Variants in TJP2 observed in about 807,000 individuals in gnomAD.
The protein encoded by TJP2 is tight junction protein 2.
In TJP2, 91 loss-of-function variants were observed where a neutral mutation model predicts 133.1. The ratio of observed to expected loss-of-function variants is 0.68; its 90% CI spans 0.58 to 0.81. TJP2 has a LOEUF of 0.81. Among genes scored for constraint, TJP2 ranks in the 40% least tolerant of loss-of-function variants. TJP2 has a pLI of 0.00. For synonymous variants in TJP2, 592 were observed against 583.4 expected (o/e 1.01, Z -0.21); for missense variants, 1,541 against 1,565.6 (o/e 0.98, Z 0.26).
chr9:69,196,128 G>T (rs902100544), intron 1 of TJP2, among the ~76,000 whole-genome samples: 95 of 152,210 alleles, frequency 6.2e-4, no homozygotes, highest in African/African-American at 2.1e-3. Flanking sequence ...GAGCCCAGCT[G>T]GGATTTCTTT....
At chr9:69,254,152 G>A (rs1831537941) in intron 22 of TJP2, 57 bp from the exon 23 acceptor site, 1 of 1,601,506 alleles carries the variant, frequency 6.2e-7, no homozygotes, top group South Asian at 1.1e-5. Context: ...TGCCTCCCCG[G>A]GCAGCCGGAG....
At chr9:69,235,747 T>C (rs933561984) in intron 12 of TJP2, among the ~76,000 whole-genome samples, 1 of 152,196 alleles carries the variant, frequency 6.6e-6, no homozygotes, top group Non-Finnish European at 1.5e-5. Flanking sequence ...TATACGTGAC[T>C]GTCATTCAAA....
At chr9:69,247,860 C>A in intron 18 of TJP2, 152 bp from the exon 19 acceptor site, 1 of 737,972 alleles carries the variant, frequency 1.4e-6, no homozygotes, top group Non-Finnish European at 2.1e-6. Context: ...GTACCAAAGC[C>A]AAGTGATCTC....
upstream of TJP2, among the ~76,000 whole-genome samples, chr9:69,173,300 T>C (rs530728563): frequency 6.6e-6 from 1 of 152,316 alleles, no homozygotes; most frequent in Non-Finnish European, 1.5e-5. Context: ...AAGGTTATAT[T>C]TTTAATCGGT....
chr9:69,205,321 C>A, intron 1 of TJP2: 2 of 1,528,356 alleles, frequency 1.3e-6, no homozygotes, highest in South Asian at 2.4e-5. Flanking sequence ...CACAGTGAGT[C>A]CTTTATCCTC....
chr9:69,228,349 A>T (rs1829506369), intron 9 of TJP2, among the ~76,000 whole-genome samples: 1 of 152,200 alleles, frequency 6.6e-6, no homozygotes, highest in African/African-American at 2.4e-5. Flanking sequence ...GAAACTGGGG[A>T]CAACTAGAGG....
intron 1 of TJP2, among the ~76,000 whole-genome samples, chr9:69,146,241 G>A (rs1012056602): frequency 6.6e-6 from 1 of 152,166 alleles, no homozygotes; most frequent in Non-Finnish European, 1.5e-5. Flanking sequence ...TACTTTGCTT[G>A]AAACAGCAGT....
chr9:69,209,426 G>A (rs570842397), intron 1 of TJP2, among the ~76,000 whole-genome samples: 110 of 151,742 alleles, frequency 7.2e-4, no homozygotes, highest in Non-Finnish European at 1.3e-3. Flanking sequence ...GAACCATCAC[G>A]CCCGACCCGG....
chr9:69,151,484 A>G (rs1046499442), intron 1 of TJP2, among the ~76,000 whole-genome samples: 2 of 151,856 alleles, frequency 1.3e-5, no homozygotes, highest in African/African-American at 4.8e-5. Context: ...CCGTCTCAAA[A>G]AAAAAAAAAA....
At chr9:69,231,559 C>G (rs1471554757) in intron 11 of TJP2, among the ~76,000 whole-genome samples, 1 of 151,984 alleles carries the variant, frequency 6.6e-6, no homozygotes, top group African/African-American at 2.4e-5. Flanking sequence ...GAAAAAAGTT[C>G]TAGAATTCTC....
chr9:69,123,152 TG>T (rs1587862022), intron 1 of TJP2, among the ~76,000 whole-genome samples: 1 of 152,126 alleles, frequency 6.6e-6, no homozygotes, highest in East Asian at 1.9e-4. Flanking sequence ...TGTCAAGGAG[TG>T]CTTTACATTT....
chr9:69,131,901 G>A (rs1241252147), intron 1 of TJP2, among the ~76,000 whole-genome samples: 1 of 152,166 alleles, frequency 6.6e-6, no homozygotes, highest in African/African-American at 2.4e-5. Flanking sequence ...GATTCACTAG[G>A]AGGACTCACA....
At chr9:69,143,517 A>C (rs1823092550) in intron 1 of TJP2, among the ~76,000 whole-genome samples, 1 of 152,232 alleles carries the variant, frequency 6.6e-6, no homozygotes, top group Non-Finnish European at 1.5e-5. Context: ...AGCTGTAGCC[A>C]ACCAAGTTCA....
At chr9:69,220,396 T>C (rs1216572289) in intron 4 of TJP2, among the ~76,000 whole-genome samples, 1 of 152,220 alleles carries the variant, frequency 6.6e-6, no homozygotes, top group African/African-American at 2.4e-5. Context: ...ACGTTCAGAT[T>C]ATTTTCTTCC....
intron 18 of TJP2, 105 bp downstream of exon 18, chr9:69,246,895 C>T: frequency 1.0e-6 from 1 of 984,658 alleles, no homozygotes; most frequent in South Asian, 1.3e-5. Flanking sequence ...AAGTGATGCT[C>T]ACATGTGTGC....
At chr9:69,231,301 T>C (rs147430011) in intron 11 of TJP2, among the ~76,000 whole-genome samples, 182 of 152,250 alleles carry the variant, frequency 1.2e-3, no homozygotes, top group African/African-American at 4.2e-3. Context: ...TTTCATCATG[T>C]TGCCCAGGCT....
Position 69,247,741 on chromosome 9 carries a change from A to T in TJP2, c.2668-271A>T, listed in dbSNP as rs34992883. ...TGGATTCAGAAGAAAAGCAAGACAGACTGAGAAAGTGTGGCTTAGCCGCGG... is the reference window on the plus strand; with the variant it reads ...TGGATTCAGAAGAAAAGCAAGACAGTCTGAGAAAGTGTGGCTTAGCCGCGG... On this transcript the variant is annotated intron_variant, in intron 18 of 22. Transcript: ENST00000377245. Among the ~76,000 whole-genome samples, 18,584 of 152,166 alleles carry T rather than the reference A, an allele frequency of 0.12. 1,236 individuals carry two copies. Among genetic ancestry groups the T allele is most frequent in the Middle Eastern group, 0.18 (52 of 294 alleles).
At chr9:69,177,756 T>G (rs7856530) in intron 1 of TJP2, among the ~76,000 whole-genome samples, 2,465 of 152,154 alleles carry the variant, frequency 0.016, 59 homozygotes, top group African/African-American at 0.056. Context: ...GCGGTTCTCT[T>G]GCTTCAGCCT....
intron 16 of TJP2, among the ~76,000 whole-genome samples, chr9:69,239,262 G>C (rs904169981): frequency 4.0e-4 from 61 of 151,986 alleles, no homozygotes; most frequent in African/African-American, 1.4e-3. Context: ...AGTGAGCGGA[G>C]ATTGCACCAT....
Sources: gnomAD v4.1 joint callset for allele counts (sites outside exome capture counted in the v4.1 genomes callset) on GRCh38, gnomAD v4.1.1 for gene constraint, MANE v1.5 for transcripts, NCBI Gene and HGNC (gene_info 2026-07-23, HGNC 2026-07-21) for gene names.